DRC8: variants seen among roughly 807,000 people sequenced by gnomAD.
The protein encoded by DRC8 is dynein regulatory complex subunit 8.
chr1:245,008,626 C>T, the DRC8 span, among the ~76,000 whole-genome samples: 45 of 151,646 alleles, frequency 3.0e-4, no homozygotes, highest in Admixed American at 5.3e-4. Context: ...ATGAACTAGG[C>T]CCCTACCTAT....
the DRC8 span, among the ~76,000 whole-genome samples, chr1:245,007,902 C>T: frequency 6.6e-6 from 1 of 152,130 alleles, no homozygotes; most frequent in Non-Finnish European, 1.5e-5. Flanking sequence ...CAGTGGCTCA[C>T]GTGTGTAATC....
At chr1:245,035,880 AAGAAG>A in the DRC8 span, among the ~76,000 whole-genome samples, 1 of 140,248 alleles carries the variant, frequency 7.1e-6, no homozygotes, top group African/African-American at 2.6e-5. Context: ...AAAAAAAAAA[AAGAAG>A]AAGAAGAAGA....
the DRC8 span, among the ~76,000 whole-genome samples, chr1:245,117,351 G>T: frequency 6.6e-6 from 1 of 152,098 alleles, no homozygotes; most frequent in Admixed American, 6.5e-5. Context: ...ACCGTGCCCG[G>T]CCTGGTTTCC....
At chr1:245,100,645 G>A in the DRC8 span, among the ~76,000 whole-genome samples, 1 of 151,626 alleles carries the variant, frequency 6.6e-6, no homozygotes, top group Non-Finnish European at 1.5e-5. Context: ...GCCAGGTGTG[G>A]TGGTGCACGC....
the DRC8 span, among the ~76,000 whole-genome samples, chr1:245,081,451 G>A: frequency 2.0e-5 from 3 of 150,400 alleles, no homozygotes; most frequent in Non-Finnish European, 3.0e-5. Flanking sequence ...GTGAGCCATC[G>A]CACCCGGCAA....
chr1:245,059,475 G>T, the DRC8 span: 26 of 1,604,728 alleles, frequency 1.6e-5, no homozygotes, highest in Non-Finnish European at 2.1e-5. Context: ...ACGGCGAAAA[G>T]GTTTCATTCA....
the DRC8 span, among the ~76,000 whole-genome samples, chr1:244,998,580 C>T: frequency 6.6e-6 from 1 of 152,100 alleles, no homozygotes. Context: ...CCCCAATTGG[C>T]TTATCAGTCA....
chr1:245,067,290 G>T, the DRC8 span, among the ~76,000 whole-genome samples: 1 of 151,968 alleles, frequency 6.6e-6, no homozygotes, highest in African/African-American at 2.4e-5. Context: ...ACATGACCAC[G>T]CCTGGCCCAA....
chr1:245,071,918 A>G, the DRC8 span, among the ~76,000 whole-genome samples: 3 of 152,214 alleles, frequency 2.0e-5, no homozygotes, highest in Admixed American at 6.5e-5. Flanking sequence ...CCACACACCT[A>G]TGAGAGTGGA....
chr1:245,047,596 C>T, the DRC8 span, among the ~76,000 whole-genome samples: 7 of 142,246 alleles, frequency 4.9e-5, no homozygotes, highest in South Asian at 2.3e-4. Context: ...GATGGTGCCA[C>T]GGCACTCCAG....
chr1:244,978,033 C>T, the DRC8 span, among the ~76,000 whole-genome samples: 1 of 152,154 alleles, frequency 6.6e-6, no homozygotes, highest in Non-Finnish European at 1.5e-5. Context: ...TTCTACAAAA[C>T]TTTAAAAACC....
chr1:245,120,005 G>A, the DRC8 span, among the ~76,000 whole-genome samples: 1 of 152,018 alleles, frequency 6.6e-6, no homozygotes, highest in South Asian at 2.1e-4. Flanking sequence ...GGATAATGCT[G>A]GGGCATCAGA....
the DRC8 span, among the ~76,000 whole-genome samples, chr1:245,019,593 G>A: frequency 6.6e-6 from 1 of 151,858 alleles, no homozygotes; most frequent in African/African-American, 2.4e-5. Context: ...GGCTGGTCTT[G>A]AACTCCTGGC....
the DRC8 span, among the ~76,000 whole-genome samples, chr1:244,977,600 A>G: frequency 1.3e-5 from 2 of 152,164 alleles, no homozygotes; most frequent in Admixed American, 1.3e-4. Context: ...CTGTCTCTGT[A>G]CAGGGAAGCT....
chr1:244,973,901 A>C, the DRC8 span, among the ~76,000 whole-genome samples: 1 of 152,194 alleles, frequency 6.6e-6, no homozygotes, highest in African/African-American at 2.4e-5. Context: ...TTTTTTTCTA[A>C]GATTATGTAC....
chr1:245,113,191 C>T, the DRC8 span, among the ~76,000 whole-genome samples: 1 of 152,160 alleles, frequency 6.6e-6, no homozygotes, highest in Non-Finnish European at 1.5e-5. Flanking sequence ...TAAAGTTTCC[C>T]CCCTAAGAGC....
chr1:245,035,186 C>CTT, the DRC8 span, among the ~76,000 whole-genome samples: 2 of 130,296 alleles, frequency 1.5e-5, no homozygotes, highest in East Asian at 2.1e-4. Flanking sequence ...TCCTGGTTGC[C>CTT]TTTTTTTTTT....
At chr1:245,064,986 C>A in the DRC8 span, among the ~76,000 whole-genome samples, 1 of 150,986 alleles carries the variant, frequency 6.6e-6, no homozygotes, top group Non-Finnish European at 1.5e-5. Flanking sequence ...AGTTTTCTTG[C>A]AATTATTTTG....
At chr1:244,983,983 T>A in the DRC8 span, among the ~76,000 whole-genome samples, 1 of 151,974 alleles carries the variant, frequency 6.6e-6, no homozygotes, top group Non-Finnish European at 1.5e-5. Context: ...GAGACAGGGT[T>A]TCTCTCTGTC....
Sources: allele counts gnomAD v4.1 joint callset (sites outside exome capture counted in the v4.1 genomes callset), GRCh38; gene constraint gnomAD v4.1.1; transcripts MANE v1.5; gene names NCBI Gene and HGNC (gene_info 2026-07-23, HGNC 2026-07-21).